SORCS3: variants seen among roughly 807,000 people sequenced by gnomAD.
The protein encoded by SORCS3 is VPS10 domain-containing receptor SorCS3.
SORCS3 carries 57 observed loss-of-function variants against 146.3 expected under a neutral mutation model. The observed-to-expected ratio is 0.39, with a 90% CI of 0.31 to 0.49. SORCS3 has a LOEUF of 0.49. SORCS3 is among the 20% of genes least tolerant of loss of function. SORCS3 has a pLI of 0.92. For missense variants in SORCS3, 1,341 were observed against 1,575.5 expected (o/e 0.85, Z 2.52); for synonymous variants, 653 against 618.5 (o/e 1.06, Z -0.83).
At chr10:104,734,238 G>A (rs577892210) in intron 1 of SORCS3, among the ~76,000 whole-genome samples, 1 of 152,180 alleles carries the variant, frequency 6.6e-6, no homozygotes, top group Non-Finnish European at 1.5e-5. Context: ...TACCATTAGA[G>A]ATGCAATTCT....
chr10:105,099,518 C>T (rs1380087621), intron 6 of SORCS3, among the ~76,000 whole-genome samples: 1 of 152,142 alleles, frequency 6.6e-6, no homozygotes, highest in Non-Finnish European at 1.5e-5. Context: ...CTTTTAATGT[C>T]ATTCAGTTCA....
At chr10:105,139,248 A>G (rs2056078359) in intron 7 of SORCS3, 149 bp from the exon 8 acceptor site, 2 of 640,856 alleles carry the variant, frequency 3.1e-6, no homozygotes, top group Admixed American at 2.3e-5. Context: ...TCAGAGTGCC[A>G]TGGGATTAGA....
chr10:104,788,882 G>A (rs2017466437), intron 1 of SORCS3, among the ~76,000 whole-genome samples: 1 of 152,188 alleles, frequency 6.6e-6, no homozygotes, highest in Non-Finnish European at 1.5e-5. Context: ...CATTTATGGG[G>A]ATGAATTGAG....
At chr10:105,085,217 T>G (rs2055652437) in intron 5 of SORCS3, among the ~76,000 whole-genome samples, 1 of 152,210 alleles carries the variant, frequency 6.6e-6, no homozygotes, top group Admixed American at 6.5e-5. Context: ...ATTATCCAGC[T>G]CAAAATGTCA....
chr10:105,098,602 T>C (rs952827905), intron 6 of SORCS3, among the ~76,000 whole-genome samples: 2 of 152,328 alleles, frequency 1.3e-5, no homozygotes, highest in East Asian at 3.9e-4. Flanking sequence ...CTTAGGCAAA[T>C]TACTTAATCA....
intron 4 of SORCS3, among the ~76,000 whole-genome samples, chr10:105,021,566 A>G (rs2133688994): frequency 6.6e-6 from 1 of 152,336 alleles, no homozygotes; most frequent in African/African-American, 2.4e-5. Context: ...GACACATTCC[A>G]ATTTTAATAA....
chr10:104,692,388 C>T (rs562834053), intron 1 of SORCS3, among the ~76,000 whole-genome samples: 1 of 152,124 alleles, frequency 6.6e-6, no homozygotes, highest in South Asian at 2.1e-4. Flanking sequence ...CTTTGGGGCA[C>T]AAGATGGACT....
chr10:104,855,235 G>A (rs191409067), intron 2 of SORCS3, among the ~76,000 whole-genome samples: 1 of 152,236 alleles, frequency 6.6e-6, no homozygotes, highest in Non-Finnish European at 1.5e-5. Context: ...TAGTGATATG[G>A]TAAGCCTTAA....
chr10:104,814,608 G>A (rs2017776036), intron 1 of SORCS3, among the ~76,000 whole-genome samples: 1 of 152,098 alleles, frequency 6.6e-6, no homozygotes, highest in African/African-American at 2.4e-5. Context: ...GTCAAATTCT[G>A]TTCACTGACA....
rs567449577 is a variant in SORCS3, at chr10:105,199,595, C to T, written c.2010-404C>T. Among the ~76,000 whole-genome samples the T allele has an allele frequency of 3.9e-5, 6 of 152,210 alleles. No individual in the cohort carries two copies. In the South Asian group the frequency reaches 1.2e-3, roughly 32 times the overall value. Reference sequence around the variant, plus strand: ...AGGAAACTGAGTCCCTGTCCATGGACATGGGTAGGCAAAATGCCAGTGCTT... The same window carrying T: ...AGGAAACTGAGTCCCTGTCCATGGATATGGGTAGGCAAAATGCCAGTGCTT... On this transcript the variant is annotated intron_variant, in intron 14 of 26. Transcript: ENST00000369701.
intron 1 of SORCS3, among the ~76,000 whole-genome samples, chr10:104,743,940 C>A (rs576390010): frequency 6.6e-6 from 1 of 152,168 alleles, no homozygotes; most frequent in Non-Finnish European, 1.5e-5. Context: ...TCATTAATAA[C>A]GATTATGATC....
chr10:104,808,959 A>C (rs945234569), intron 1 of SORCS3, among the ~76,000 whole-genome samples: 6 of 152,230 alleles, frequency 3.9e-5, no homozygotes, highest in African/African-American at 9.6e-5. Flanking sequence ...CGGCAAAATC[A>C]ACCCATTGAT....
chr10:105,228,371 T>G (rs1283111437), intron 20 of SORCS3, among the ~76,000 whole-genome samples: 4 of 150,880 alleles, frequency 2.7e-5, no homozygotes, highest in African/African-American at 9.8e-5. Context: ...TTTCTTTCTC[T>G]CTTTTCTTTC....
chr10:105,106,422 C>T (rs1429078957), intron 7 of SORCS3, among the ~76,000 whole-genome samples: 1 of 152,200 alleles, frequency 6.6e-6, no homozygotes, highest in Non-Finnish European at 1.5e-5. Flanking sequence ...TCTCCATCCT[C>T]TGAACCCTTG....
chr10:104,916,569 C>T (rs1462159006), intron 3 of SORCS3, among the ~76,000 whole-genome samples: 1 of 152,150 alleles, frequency 6.6e-6, no homozygotes, highest in Non-Finnish European at 1.5e-5. Context: ...TGGAAATCTA[C>T]TGAGAGGAGG....
chr10:104,963,516 T>C (rs2054809185), intron 3 of SORCS3, among the ~76,000 whole-genome samples: 1 of 152,180 alleles, frequency 6.6e-6, no homozygotes, highest in Admixed American at 6.6e-5. Context: ...TGTCCCTATC[T>C]TTTTGACCCT....
At chr10:104,848,333 A>G (rs1183254026) in intron 2 of SORCS3, among the ~76,000 whole-genome samples, 1 of 152,010 alleles carries the variant, frequency 6.6e-6, no homozygotes, top group Non-Finnish European at 1.5e-5. Context: ...CTGCTTTTTT[A>G]AAATAGAAAA....
intron 7 of SORCS3, among the ~76,000 whole-genome samples, chr10:105,137,343 G>A (rs2133776724): frequency 6.6e-6 from 1 of 152,208 alleles, no homozygotes; most frequent in African/African-American, 2.4e-5. Context: ...GAGTATAAAA[G>A]CTTTGTCATC....
intron 7 of SORCS3, among the ~76,000 whole-genome samples, chr10:105,131,818 C>G (rs1453874255): frequency 6.6e-6 from 1 of 151,974 alleles, no homozygotes; most frequent in Non-Finnish European, 1.5e-5. Flanking sequence ...TTTAAACAAC[C>G]AGATATCACG....
Sources: allele counts gnomAD v4.1 joint callset (sites outside exome capture counted in the v4.1 genomes callset), GRCh38; gene constraint gnomAD v4.1.1; transcripts MANE v1.5; gene names NCBI Gene and HGNC (gene_info 2026-07-23, HGNC 2026-07-21).